The following DNAH5 variants were observed in gnomAD, a reference collection of about 807,000 sequenced individuals.
DNAH5 encodes the protein axonemal beta dynein heavy chain 5.
DNAH5 carries 372 observed loss-of-function variants against 518.2 expected under a neutral mutation model. That is an observed-to-expected ratio of 0.72 (90% CI 0.66 to 0.78). The LOEUF is 0.78. Ranked by LOEUF, DNAH5 falls within the 30% of genes least tolerant of loss-of-function variation. The probability of loss-of-function intolerance (pLI) is 0.00; values close to 1 mark genes in which losing one functional copy is unlikely to be tolerated. For missense variants in DNAH5, 5,523 were observed against 5,687.0 expected (o/e 0.97, Z 0.93); for synonymous variants, 2,039 against 2,025.9 (o/e 1.01, Z -0.17).
chr5:13,790,489 C>T (rs886242444), intron 50 of DNAH5, among the ~76,000 whole-genome samples: 1 of 152,188 alleles, frequency 6.6e-6, no homozygotes, highest in African/African-American at 2.4e-5. Flanking sequence ...ACCCAAATCT[C>T]ATCTGGAATT....
At chr5:13,722,713 A>G (rs1408084887) in intron 70 of DNAH5, among the ~76,000 whole-genome samples, 1 of 152,246 alleles carries the variant, frequency 6.6e-6, no homozygotes, top group East Asian at 1.9e-4. Context: ...TACATTCCCT[A>G]ACTCATACCA....
At chr5:13,772,544 T>C (rs187330542) in intron 55 of DNAH5, among the ~76,000 whole-genome samples, 26 of 152,350 alleles carry the variant, frequency 1.7e-4, no homozygotes, top group African/African-American at 6.0e-4. Flanking sequence ...TCATCTTCAA[T>C]ATCCCATCAC....
chr5:13,974,709 T>A (rs1401538065), intron 1 of DNAH5, among the ~76,000 whole-genome samples: 1 of 152,096 alleles, frequency 6.6e-6, no homozygotes, highest in African/African-American at 2.4e-5. Context: ...TGGCTTTCTA[T>A]ATCCAAAGTC....
At chr5:13,991,045 T>C (rs181133821) in intron 1 of DNAH5, among the ~76,000 whole-genome samples, 1 of 152,186 alleles carries the variant, frequency 6.6e-6, no homozygotes, top group Non-Finnish European at 1.5e-5. Flanking sequence ...CAGAGCACAG[T>C]AGGTGTCGGG....
chr5:13,823,740 A>G (rs116266293), intron 39 of DNAH5, among the ~76,000 whole-genome samples: 75 of 152,364 alleles, frequency 4.9e-4, no homozygotes, highest in African/African-American at 1.7e-3. Context: ...TTTGGTGTAT[A>G]CTTTTAATTT....
intron 1 of DNAH5, among the ~76,000 whole-genome samples, chr5:13,965,632 T>C (rs1193335114): frequency 2.0e-5 from 3 of 152,188 alleles, no homozygotes; most frequent in Non-Finnish European, 4.4e-5. Flanking sequence ...GGCAAAGTCC[T>C]GGAGAATTTC....
intron 73 of DNAH5, 81 bp downstream of exon 73, chr5:13,717,234 C>A: frequency 7.7e-7 from 1 of 1,296,644 alleles, no homozygotes; most frequent in Non-Finnish European, 1.1e-6. Flanking sequence ...ATATAATTTA[C>A]GCCAAAGCTA....
At chr5:13,768,331 T>G (rs1042333336) in intron 58 of DNAH5, among the ~76,000 whole-genome samples, 4 of 152,192 alleles carry the variant, frequency 2.6e-5, no homozygotes, top group African/African-American at 9.7e-5. Context: ...GTGAAGAAAG[T>G]GTCTGCTTCC....
chr5:13,996,906 G>A (rs575780873), intron 1 of DNAH5, among the ~76,000 whole-genome samples: 56 of 152,304 alleles, frequency 3.7e-4, no homozygotes, highest in African/African-American at 1.2e-3. Flanking sequence ...CAACCCCACC[G>A]TTCTGCCAGG....
At chr5:13,884,575 G>A (rs1272471369) in intron 19 of DNAH5, among the ~76,000 whole-genome samples, 3 of 152,210 alleles carry the variant, frequency 2.0e-5, no homozygotes, top group Non-Finnish European at 2.9e-5. Flanking sequence ...GGTGGCTCAC[G>A]CCTGTAATCC....
chr5:13,911,237 G>C, intron 12 of DNAH5, 149 bp downstream of exon 12: 1 of 683,014 alleles, frequency 1.5e-6, no homozygotes, highest in South Asian at 1.6e-5. Flanking sequence ...TTATTAATCT[G>C]AAATCACGAA....
chr5:13,948,920 G>A (rs1207259287), upstream of DNAH5, among the ~76,000 whole-genome samples: 1 of 152,186 alleles, frequency 6.6e-6, no homozygotes, highest in Non-Finnish European at 1.5e-5. Context: ...AAAGGGGCAA[G>A]TCTCCTTGTC....
At chr5:13,907,951 A>G (rs1775532182) in intron 12 of DNAH5, among the ~76,000 whole-genome samples, 1 of 152,186 alleles carries the variant, frequency 6.6e-6, no homozygotes, top group Non-Finnish European at 1.5e-5. Flanking sequence ...TAGTACCTAA[A>G]TGGGTTTGAT....
chr5:13,992,300 A>G lies in DNAH5; in HGVS notation c.12+19348T>C, dbSNP rs1212883228. 3.3e-5 allele frequency among the ~76,000 whole-genome samples: 5 copies of G among 152,310 alleles called. No homozygotes were observed. In the South Asian group the frequency reaches 6.2e-4, roughly 19 times the overall value. On this transcript the variant is annotated intron_variant, in intron 1 of 78. Transcript: ENST00000681290. ...CCACCAAGGCCTCAAACCCCAACAA[A>G]AAAACCACCATCGCCCCAGATCACT...
At chr5:13,903,563 G>A (rs1774935626) in intron 12 of DNAH5, among the ~76,000 whole-genome samples, 1 of 151,374 alleles carries the variant, frequency 6.6e-6, no homozygotes. Flanking sequence ...AATATTAAAA[G>A]AAAAATAATA....
intron 78 of DNAH5, among the ~76,000 whole-genome samples, chr5:13,692,633 T>G (rs1740846833): frequency 6.6e-6 from 1 of 152,172 alleles, no homozygotes; most frequent in South Asian, 2.1e-4. Flanking sequence ...CTAAATCAGG[T>G]ATTGTGAATT....
chr5:13,919,327 A>T lies in DNAH5; in HGVS notation c.824T>A (p.Leu275Gln). The change falls in exon 7 of 79, where the codon CTG becomes CAG. Residue 275 changes from leucine (L) to glutamine (Q), a missense_variant. Physicochemically the swap from Leu to Gln is moderately radical, Grantham distance 113 (BLOSUM62 -2). Coordinates refer to ENST00000265104, the MANE Select transcript of DNAH5 (RefSeq NM_001369.3). ...TGGCCCAACGTCATCCGCTTCCTTC[A>T]GCAGCTGATTGTTTTCAGCAAGAAC... is the stretch of plus-strand genomic sequence containing the variant. ...EQVLAENNQL[L>Q]KEADDVGPRA... 1 of 1,614,092 alleles carries T rather than the reference A, an allele frequency of 6.2e-7. No individual in the cohort carries two copies. The highest frequency in any genetic ancestry group is 8.5e-7 in the Non-Finnish European group (1 of 1,179,994).
intron 70 of DNAH5, among the ~76,000 whole-genome samples, chr5:13,725,092 T>C (rs1745546164): frequency 6.6e-6 from 1 of 152,176 alleles, no homozygotes; most frequent in Non-Finnish European, 1.5e-5. Flanking sequence ...AGTGGACAAA[T>C]GGCCCAGCCC....
chr5:13,706,616 A>C (rs1255247718), intron 76 of DNAH5, among the ~76,000 whole-genome samples: 1 of 152,216 alleles, frequency 6.6e-6, no homozygotes, highest in Non-Finnish European at 1.5e-5. Flanking sequence ...ACACAAATAC[A>C]GAACAAAGAG....
Sources: gnomAD v4.1 joint callset for allele counts (sites outside exome capture counted in the v4.1 genomes callset) on GRCh38, gnomAD v4.1.1 for gene constraint, MANE v1.5 for transcripts, NCBI Gene and HGNC (gene_info 2026-07-23, HGNC 2026-07-21) for gene names.